Variants in FAT3 observed in about 807,000 individuals in gnomAD.
FAT3 encodes the protein FAT atypical cadherin 3, also known as protocadherin Fat 3.
FAT3 carries 95 observed loss-of-function variants against 310.2 expected under a neutral mutation model. The ratio of observed to expected loss-of-function variants is 0.31; its 90% CI spans 0.26 to 0.36. FAT3 has a LOEUF of 0.36. Ranked by LOEUF, FAT3 falls within the 10% of genes least tolerant of loss-of-function variation. The probability of loss-of-function intolerance (pLI) is 1.00; values close to 1 mark genes in which losing one functional copy is unlikely to be tolerated. For missense variants in FAT3, 5,408 were observed against 5,715.6 expected (o/e 0.95, Z 1.74); for synonymous variants, 2,314 against 2,192.9 (o/e 1.06, Z -1.54).
At chr11:92,757,944 A>G (rs1332759745) in intron 4 of FAT3, among the ~76,000 whole-genome samples, 1 of 152,176 alleles carries the variant, frequency 6.6e-6, no homozygotes, top group Non-Finnish European at 1.5e-5. Flanking sequence ...TAGTGTTCTC[A>G]GTTATGTAAA....
At chr11:92,775,616 A>G (rs537942165) in intron 7 of FAT3, among the ~76,000 whole-genome samples, 2 of 152,190 alleles carry the variant, frequency 1.3e-5, no homozygotes, top group Non-Finnish European at 2.9e-5. Flanking sequence ...AATTGGCATA[A>G]TTATTCTCCT....
rs1241736184 is a variant in FAT3 at position 92,892,275 on chromosome 11, T to C, written c.*1162T>C. ...TGTGAAGGTTTTGGGAAATGGACCA[T>C]GTTGAAAATTCTGCCGGCGAGCATG... On this transcript the variant is annotated 3_prime_UTR_variant, in exon 28 of 28. Coordinates refer to ENST00000525166, the MANE Select transcript of FAT3 (RefSeq NM_001367949.2). 6.6e-6 allele frequency: 1 copy of C among 152,196 alleles called. No individual in the cohort carries two copies. The highest frequency in any genetic ancestry group is 1.5e-5 in the Non-Finnish European group (1 of 68,050). The allele number at this position is 152,196 out of a possible 1,614,324, so 9.4% of individuals were successfully genotyped here. A position where few individuals can be genotyped will look rare whatever the true frequency, so the allele number is the denominator to read the frequency against.
intron 1 of FAT3, among the ~76,000 whole-genome samples, chr11:92,256,954 A>T (rs1206532392): frequency 6.6e-6 from 1 of 152,072 alleles, no homozygotes; most frequent in East Asian, 1.9e-4. Flanking sequence ...GATTCCTTGT[A>T]ATAGTAGCAA....
At chr11:92,465,437 T>C (rs946471207) in intron 2 of FAT3, among the ~76,000 whole-genome samples, 1 of 152,194 alleles carries the variant, frequency 6.6e-6, no homozygotes, top group Non-Finnish European at 1.5e-5. Context: ...GTAAAAGTGT[T>C]CCTGTTTCTC....
intron 1 of FAT3, among the ~76,000 whole-genome samples, chr11:92,322,247 C>G (rs543805673): frequency 6.6e-6 from 1 of 152,184 alleles, no homozygotes; most frequent in East Asian, 1.9e-4. Context: ...ACACTGTAAC[C>G]TATTAAGAAT....
chr11:92,241,633 G>A (rs974482852), intron 1 of FAT3, among the ~76,000 whole-genome samples: 2 of 152,004 alleles, frequency 1.3e-5, no homozygotes, highest in African/African-American at 4.8e-5. Context: ...ACTGAAGGTG[G>A]AGGGGTCCAA....
Position 92,524,727 on chromosome 11 carries a change from A to G in FAT3, c.3386A>G (p.Tyr1129Cys). 1 of 1,613,318 alleles carries G rather than the reference A, an allele frequency of 6.2e-7. No homozygotes were observed. Among genetic ancestry groups the G allele is most frequent in the Non-Finnish European group, 8.5e-7 (1 of 1,179,710 alleles). Residue 1129 changes from tyrosine to cysteine, a missense_variant, in exon 3 of 28, where the codon TAC becomes TGC. Around this residue, in one of 5 missense-constraint regions of FAT3, gnomAD observed 4,588 missense variants for 4,809.8 expected, o/e 0.95. Transcript: ENST00000525166. ...ACAGACAGGGGCGTTGTTCCACTCT[A>G]CTCCACCATTGAGGTCTACATTGAA... is the stretch of plus-strand genomic sequence containing the variant. ...YATDRGVVPL[Y>C]STIEVYIEVE...
At chr11:92,722,875 G>C (rs1944903573) in intron 4 of FAT3, among the ~76,000 whole-genome samples, 1 of 152,176 alleles carries the variant, frequency 6.6e-6, no homozygotes, top group Non-Finnish European at 1.5e-5. Flanking sequence ...AAGACACCAA[G>C]TCCCTAGGCT....
At chr11:92,863,140 A>G (rs967390517) in intron 21 of FAT3, among the ~76,000 whole-genome samples, 3 of 152,002 alleles carry the variant, frequency 2.0e-5, no homozygotes, top group Non-Finnish European at 4.4e-5. Context: ...TTGAGATGAG[A>G]TCTCACCATG....
chr11:92,591,368 CT>C (rs1273091813), intron 3 of FAT3, among the ~76,000 whole-genome samples: 1 of 152,042 alleles, frequency 6.6e-6, no homozygotes, highest in African/African-American at 2.4e-5. Context: ...ACAGTCCTTA[CT>C]TATATGTAGC....
chr11:92,713,798 A>G (rs2135954570), intron 4 of FAT3, among the ~76,000 whole-genome samples: 1 of 152,356 alleles, frequency 6.6e-6, no homozygotes, highest in Middle Eastern at 3.4e-3. Flanking sequence ...TAGTATGTAT[A>G]TCATATTTTA....
intron 3 of FAT3, among the ~76,000 whole-genome samples, chr11:92,638,250 G>A (rs1293474231): frequency 6.6e-6 from 1 of 152,206 alleles, no homozygotes; most frequent in East Asian, 1.9e-4. Flanking sequence ...ATGCAAGTAT[G>A]TATCTAACCC....
In FAT3 at chr11:92,867,179, G is replaced by A. The variant is rs754189256; in HGVS notation, c.12097G>A (p.Gly4033Arg). 5.7e-6 allele frequency: 9 copies of A among 1,587,746 alleles called. No individual in the cohort carries two copies. The East Asian group carries it at 1.6e-4, about 28-fold the overall frequency. Residue 4033 changes from glycine (G) to arginine (R), a missense_variant, in exon 22 of 28, where the codon GGG becomes AGG. Physicochemically the swap from Gly to Arg is moderately radical, Grantham distance 125. Around this residue, in one of 5 missense-constraint regions of FAT3, gnomAD observed 4,588 missense variants for 4,809.8 expected, o/e 0.95. Transcript: ENST00000525166. ...DACKRSPCQH[G>R]GSCTGLPSGG... ...CTGCAAGCGCAGCCCGTGCCAGCAC[G>A]GGGGCAGCTGCACTGGCCTGCCATC...
chr11:92,484,389 A>G (rs1326038079), intron 2 of FAT3, among the ~76,000 whole-genome samples: 1 of 152,184 alleles, frequency 6.6e-6, no homozygotes, highest in African/African-American at 2.4e-5. Context: ...TTATAAGTAA[A>G]AGAAAAACCT....
intron 2 of FAT3, among the ~76,000 whole-genome samples, chr11:92,381,919 T>G (rs1337581612): frequency 6.6e-6 from 1 of 152,132 alleles, no homozygotes; most frequent in Non-Finnish European, 1.5e-5. Context: ...TCTCAAACAT[T>G]GGTGGGTAGT....
In FAT3 at chr11:92,800,266, C is replaced by A; in HGVS notation, c.7253C>A (p.Ala2418Asp). The A allele has an allele frequency of 6.2e-7, 1 of 1,613,928 alleles. No homozygotes were observed. Among genetic ancestry groups the A allele is most frequent in the Non-Finnish European group, 8.5e-7 (1 of 1,179,840 alleles). ...PRGHFVTCVQ[A>D]SDADSSDFDR... ...GGCCATTTTGTAACCTGTGTACAAG[C>A]CTCTGATGCAGACAGCTCTGATTTT... The change falls in exon 10 of 28, where the codon GCC becomes GAC. Residue 2418 changes from alanine to aspartate, a missense_variant. Ala to Asp is a moderately radical substitution (Grantham distance 126). This residue lies in a region of FAT3 where 4,588 missense variants were observed against 4,809.8 expected (regional missense o/e 0.95). Transcript: ENST00000525166.
chr11:92,248,158 T>C (rs902518461), intron 1 of FAT3, among the ~76,000 whole-genome samples: 5 of 152,180 alleles, frequency 3.3e-5, no homozygotes, highest in Non-Finnish European at 7.4e-5. Flanking sequence ...AGTCTTACTA[T>C]GCAAACATTT....
chr11:92,605,206 G>T (rs951926575), intron 3 of FAT3, among the ~76,000 whole-genome samples: 3 of 152,158 alleles, frequency 2.0e-5, no homozygotes, highest in Non-Finnish European at 4.4e-5. Context: ...TGACAGACAA[G>T]AAGGACTTGA....
chr11:92,476,039 A>G (rs1337181046), intron 2 of FAT3, among the ~76,000 whole-genome samples: 2 of 152,056 alleles, frequency 1.3e-5, no homozygotes, highest in Non-Finnish European at 2.9e-5. Flanking sequence ...TAATGGAGAC[A>G]CTGGGCTGGC....
Sources: gnomAD v4.1 joint callset for allele counts (sites outside exome capture counted in the v4.1 genomes callset) on GRCh38, gnomAD v4.1.1 for gene constraint, gnomAD v4.1.1 regional missense constraint, MANE v1.5 for transcripts, NCBI Gene and HGNC (gene_info 2026-07-23, HGNC 2026-07-21) for gene names.